SGCD: variants seen among roughly 807,000 people sequenced by gnomAD.
SGCD encodes delta-sarcoglycan.
A neutral mutation model predicts 36.6 loss-of-function variants in SGCD; 18 were observed. The observed-to-expected ratio is 0.49, with a 90% CI of 0.34 to 0.73. SGCD has a LOEUF of 0.73. Among genes scored for constraint, SGCD ranks in the 30% least tolerant of loss-of-function variants. The pLI is 0.01. For synonymous variants in SGCD, 133 were observed against 130.6 expected (o/e 1.02, Z -0.12); for missense variants, 387 against 346.7 (o/e 1.12, Z -0.92).
chr5:155,892,411 C>T (rs759860790), intron 1 of SGCD, among the ~76,000 whole-genome samples: 1 of 137,190 alleles, frequency 7.3e-6, no homozygotes, highest in African/African-American at 2.7e-5. Context: ...GCCAAGATCG[C>T]GCCACTGCAC....
At chr5:155,823,076 A>ATCTG in the SGCD span, among the ~76,000 whole-genome samples, 1 of 146,648 alleles carries the variant, frequency 6.8e-6, no homozygotes, top group Admixed American at 6.7e-5. Context: ...CTATCTATCT[A>ATCTG]TCTATCTATC....
chr5:156,160,184 A>G (rs1250472121), intron 3 of SGCD, among the ~76,000 whole-genome samples: 2 of 151,804 alleles, frequency 1.3e-5, no homozygotes, highest in South Asian at 4.1e-4. Context: ...ATCTCAGAAA[A>G]GGAAATATGT....
chr5:155,884,154 C>T (rs1755951468), intron 1 of SGCD, among the ~76,000 whole-genome samples: 1 of 152,136 alleles, frequency 6.6e-6, no homozygotes, highest in African/African-American at 2.4e-5. Flanking sequence ...CGGGTGACAC[C>T]TAACGATGAT....
At chr5:156,080,008 C>T (rs917880287) in intron 1 of SGCD, among the ~76,000 whole-genome samples, 2 of 152,198 alleles carry the variant, frequency 1.3e-5, no homozygotes, top group Non-Finnish European at 2.9e-5. Flanking sequence ...GCCTGGACAC[C>T]CAGGCTTTCT....
intron 3 of SGCD, among the ~76,000 whole-genome samples, chr5:156,373,057 T>C (rs1770474215): frequency 6.6e-6 from 1 of 152,166 alleles, no homozygotes; most frequent in African/African-American, 2.4e-5. Context: ...TGGCCATTCT[T>C]GATCATCAGA....
At chr5:156,173,282 A>G (rs1763385709) in intron 3 of SGCD, among the ~76,000 whole-genome samples, 1 of 152,206 alleles carries the variant, frequency 6.6e-6, no homozygotes, top group African/African-American at 2.4e-5. Flanking sequence ...TGGACTTGCC[A>G]AAAAGATCAT....
the SGCD span, chr5:155,845,310 C>A: frequency 6.6e-6 from 1 of 151,996 alleles, no homozygotes; most frequent in African/African-American, 2.4e-5. Flanking sequence ...TCCATGTCAC[C>A]TCTGTGGCTT....
chr5:155,978,953 C>T (rs1561670543), intron 1 of SGCD, among the ~76,000 whole-genome samples: 1 of 152,146 alleles, frequency 6.6e-6, no homozygotes, highest in Non-Finnish European at 1.5e-5. Context: ...TCTCAGATGA[C>T]CAATTAGGTC....
chr5:155,969,713 C>G (rs914561713), intron 1 of SGCD, among the ~76,000 whole-genome samples: 10 of 152,086 alleles, frequency 6.6e-5, no homozygotes, highest in African/African-American at 2.4e-4. Context: ...TAAACTGCCT[C>G]TTTCAGTTGT....
chr5:156,133,934 C>T (rs1045450762), intron 3 of SGCD, among the ~76,000 whole-genome samples: 3 of 151,438 alleles, frequency 2.0e-5, no homozygotes, highest in African/African-American at 7.3e-5. Flanking sequence ...CACACACACA[C>T]ACACACACAC....
At chr5:156,514,080 A>G (rs538013977) in intron 4 of SGCD, among the ~76,000 whole-genome samples, 34 of 152,352 alleles carry the variant, frequency 2.2e-4, no homozygotes, top group African/African-American at 7.5e-4. Context: ...ATTGCTAAGT[A>G]TAACTGCAAG....
chr5:156,023,524 G>A (rs1225956696), intron 1 of SGCD, among the ~76,000 whole-genome samples: 1 of 152,172 alleles, frequency 6.6e-6, no homozygotes, highest in Non-Finnish European at 1.5e-5. Flanking sequence ...CTACTATTGT[G>A]CAAGCCTTTA....
upstream of SGCD, among the ~76,000 whole-genome samples, chr5:155,867,225 A>G (rs1368344436): frequency 1.3e-5 from 2 of 152,308 alleles, no homozygotes; most frequent in East Asian, 3.9e-4. Flanking sequence ...GCCCGAGAAA[A>G]TCTTGATCAT....
chr5:156,445,769 G>A (rs1753730809), intron 3 of SGCD, among the ~76,000 whole-genome samples: 1 of 152,062 alleles, frequency 6.6e-6, no homozygotes, highest in African/African-American at 2.4e-5. Context: ...GGAAGCAATT[G>A]TGATGCATAG....
chr5:156,538,536 A>G (rs113885129), intron 4 of SGCD, among the ~76,000 whole-genome samples: 68 of 152,166 alleles, frequency 4.5e-4, no homozygotes, highest in African/African-American at 1.5e-3. Flanking sequence ...CAGAGCAGGT[A>G]TTTAGCAAGT....
intron 1 of SGCD, among the ~76,000 whole-genome samples, chr5:156,069,699 A>G (rs4704779): frequency 0.045 from 6,531 of 146,624 alleles, 536 homozygotes; most frequent in African/African-American, 0.16. Context: ...CATTGAATCT[A>G]TAAATTCCCT....
chr5:156,073,657 C>T (rs1342740154), intron 1 of SGCD, among the ~76,000 whole-genome samples: 1 of 152,180 alleles, frequency 6.6e-6, no homozygotes, highest in African/African-American at 2.4e-5. Context: ...AAGTCCAGTT[C>T]TTGATGCTTA....
At chr5:156,196,841 C>T (rs1444733194) in intron 3 of SGCD, among the ~76,000 whole-genome samples, 2 of 152,190 alleles carry the variant, frequency 1.3e-5, no homozygotes, top group Non-Finnish European at 2.9e-5. Context: ...GCACACTAAA[C>T]TATGGCCAGA....
chr5:156,371,597 C>T (rs1273196756), intron 3 of SGCD, among the ~76,000 whole-genome samples: 1 of 152,108 alleles, frequency 6.6e-6, no homozygotes, highest in Non-Finnish European at 1.5e-5. Context: ...GAGAAGTAAG[C>T]CCGGAATCAA....
Sources: allele counts gnomAD v4.1 joint callset (sites outside exome capture counted in the v4.1 genomes callset), GRCh38; gene constraint gnomAD v4.1.1; transcripts MANE v1.5; gene names NCBI Gene and HGNC (gene_info 2026-07-23, HGNC 2026-07-21).